FAAP20: variants seen among roughly 807,000 people sequenced by gnomAD.
FAAP20 encodes FA core complex associated protein 20, also known as Fanconi anemia core complex-associated protein 20.
A neutral mutation model predicts 16.2 loss-of-function variants in FAAP20; 12 were observed. That is an observed-to-expected ratio of 0.74 (90% CI 0.48 to 1.20). The LOEUF is 1.20. FAAP20 is among the 50% of genes most tolerant of loss of function. FAAP20 has a pLI of 0.00. For synonymous variants in FAAP20, 141 were observed against 110.7 expected, an observed-to-expected ratio of 1.27 and a Z score of -1.72; for missense variants, 288 against 245.8, an observed-to-expected ratio of 1.17 and a Z score of -1.15.
At chr1:2,210,051 G>C (rs1044306770), downstream of FAAP20, among the ~76,000 whole-genome samples, 3 of 152,198 alleles carry the variant, frequency 2.0e-5, no homozygotes, top group African/African-American at 7.2e-5. Flanking sequence ...CCTGAGGGGA[G>C]CTGGGGGAAA....
intron 3 of FAAP20, chr1:2,192,485 T>TA (rs1389081978): frequency 1.0e-6 from 1 of 997,658 alleles, no homozygotes; most frequent in Non-Finnish European, 1.2e-6. Flanking sequence ...AGTCTTTTTT[T>TA]AGACTATCTG....
chr1:2,202,235 G>T (rs1689079171), upstream of FAAP20, among the ~76,000 whole-genome samples: 1 of 152,138 alleles, frequency 6.6e-6, no homozygotes, highest in African/African-American at 2.4e-5. Flanking sequence ...CCCCTACCAG[G>T]TACCCGAGGA....
downstream of FAAP20, among the ~76,000 whole-genome samples, chr1:2,211,432 TATA>T (rs1195988234): frequency 4.4e-3 from 91 of 20,618 alleles, 1 homozygote; most frequent in Non-Finnish European, 5.5e-3. Flanking sequence ...TATATATATA[TATA>T]TTTTTTTTTT....
downstream of FAAP20, among the ~76,000 whole-genome samples, chr1:2,189,034 AG>A (rs1687866239): frequency 1.3e-5 from 2 of 148,932 alleles, no homozygotes; most frequent in Non-Finnish European, 1.5e-5. Context: ...AAAAACAAAA[AG>A]AACGCCACCA....
chr1:2,195,269 G>C (rs369843696), upstream of FAAP20, among the ~76,000 whole-genome samples: 14 of 152,340 alleles, frequency 9.2e-5, no homozygotes, highest in South Asian at 6.2e-4. Context: ...GCTCACTTGG[G>C]CCTCAGGGGC....
upstream of FAAP20, among the ~76,000 whole-genome samples, chr1:2,201,705 G>C (rs562707543): frequency 6.6e-6 from 1 of 151,916 alleles, no homozygotes; most frequent in East Asian, 1.9e-4. Flanking sequence ...CTGGGTGACA[G>C]AGCAAAACTC....
downstream of FAAP20, chr1:2,185,525 C>T: frequency 2.8e-6 from 2 of 715,542 alleles, no homozygotes; most frequent in South Asian, 3.0e-5. Context: ...TGTGGGGACA[C>T]ACCGCAATCA....
At chr1:2,194,793 C>T, upstream of FAAP20, 8 of 1,058,718 alleles carry the variant, frequency 7.6e-6, no homozygotes, top group Non-Finnish European at 9.2e-6. Flanking sequence ...CCCGCCCCCG[C>T]CCCTCCAGGC....
chr1:2,205,781 G>A (rs1242644544), intron 3 of FAAP20, among the ~76,000 whole-genome samples: 3 of 152,382 alleles, frequency 2.0e-5, no homozygotes, highest in African/African-American at 7.2e-5. Context: ...CTCCTCCCAT[G>A]TGCGCGGGAG....
chr1:2,192,527 TC>T (rs1688349339), intron 3 of FAAP20: 2 of 1,004,138 alleles, frequency 2.0e-6, no homozygotes, highest in African/African-American at 3.4e-5. Context: ...CAAAAGCCCC[TC>T]CCCGGGGGGC....
At chr1:2,193,345 A>C in intron 3 of FAAP20, 1 of 525,084 alleles carries the variant, frequency 1.9e-6, no homozygotes, top group South Asian at 2.7e-5. Context: ...CGCTGGTGCC[A>C]CCAGATTCCA....
chr1:2,193,563 C>T (rs1688490402), intron 3 of FAAP20, 76 bp downstream of exon 3: 4 of 1,560,016 alleles, frequency 2.6e-6, no homozygotes, highest in Non-Finnish European at 3.4e-6. Context: ...GCTCGGCCAC[C>T]TCTTGACCTT....
In FAAP20 at chr1:2,194,709, C is replaced by G. The variant is rs1288839014; in HGVS notation, c.41G>C (p.Arg14Pro). Residue 14 changes from arginine (R) to proline (P), a missense_variant, in exon 1 of 4, where the codon CGG (arginine) becomes CCG (proline). Arg to Pro is a moderately radical substitution (Grantham distance 103). Coordinates refer to ENST00000378546, the MANE Select transcript of FAAP20 (RefSeq NM_182533.4). The part of the protein sequence containing the change: ...ARRPRLGLSR[R>P]RPRPAGGPSG... The stretch of plus-strand genomic sequence containing the variant: ...TCACCCGCCCGCCGGGCGCGGCCTC[C>G]GGCGGCTCAACCCCAGCCGCGGCCT... 2 of 1,179,524 alleles carry G rather than the reference C, an allele frequency of 1.7e-6. No individual in the cohort carries two copies. Among genetic ancestry groups the G allele is most frequent in the Non-Finnish European group, 2.1e-6 (2 of 956,310 alleles). 73.1% of individuals were successfully genotyped at this position (1,179,524 alleles called of 1,614,324 possible). A position where few individuals can be genotyped will look rare whatever the true frequency, so the allele number is the denominator to read the frequency against.
chr1:2,186,999 T>C (rs1272812698), downstream of FAAP20: 3 of 303,400 alleles, frequency 9.9e-6, no homozygotes, highest in Non-Finnish European at 2.1e-5. Flanking sequence ...GTTTGAAAAA[T>C]CCTGATATTT....
intron 3 of FAAP20, among the ~76,000 whole-genome samples, chr1:2,205,713 GC>G (rs1689234457): frequency 6.6e-6 from 1 of 152,212 alleles, no homozygotes; most frequent in African/African-American, 2.4e-5. Context: ...TTCTGCGGGT[GC>G]CCCCGCTGCG....
At chr1:2,207,043 T>C (rs1689285247) in intron 1 of FAAP20, among the ~76,000 whole-genome samples, 4 of 152,118 alleles carry the variant, frequency 2.6e-5, no homozygotes, top group Admixed American at 2.6e-4. Flanking sequence ...CCTGTCGAAG[T>C]CCACATTTGT....
downstream of FAAP20, among the ~76,000 whole-genome samples, chr1:2,208,800 C>A (rs750171823): frequency 6.6e-5 from 10 of 152,224 alleles, no homozygotes; most frequent in Non-Finnish European, 1.0e-4. Flanking sequence ...GCCAGTCACT[C>A]CAGCTCTGTG....
chr1:2,194,603 A>G (rs1688680552), intron 1 of FAAP20, 85 bp downstream of exon 1: 2 of 698,696 alleles, frequency 2.9e-6, no homozygotes, highest in African/African-American at 2.0e-5. Context: ...CCAGGGGGAG[A>G]ATAGAGCGGG....
downstream of FAAP20, among the ~76,000 whole-genome samples, chr1:2,210,194 G>C (rs988529639): frequency 1.3e-5 from 2 of 152,206 alleles, no homozygotes; most frequent in Non-Finnish European, 2.9e-5. Context: ...GCCCGTGTCA[G>C]ACAGAGGCGA....
Sources: gnomAD v4.1 joint callset for allele counts (sites outside exome capture counted in the v4.1 genomes callset) on GRCh38, gnomAD v4.1.1 for gene constraint, MANE v1.5 for transcripts, NCBI Gene and HGNC (gene_info 2026-07-23, HGNC 2026-07-21) for gene names.